The following PACRG variants were observed in gnomAD, a reference collection of about 807,000 sequenced individuals.
PACRG encodes the protein parkin coregulated.
Under a neutral mutation model 29.7 loss-of-function variants are expected in PACRG, and 29 were observed. That is an observed-to-expected ratio of 0.98 (90% CI 0.73 to 1.33). PACRG has a LOEUF of 1.33. PACRG is among the 40% of genes most tolerant of loss of function. PACRG has a pLI of 0.00. For synonymous variants in PACRG, 116 were observed against 118.7 expected, an observed-to-expected ratio of 0.98 and a Z score of 0.15; for missense variants, 279 against 316.2, an observed-to-expected ratio of 0.88 and a Z score of 0.89.
At chr6:162,764,898 C>T (rs1782661964) in intron 1 of PACRG, among the ~76,000 whole-genome samples, 1 of 151,852 alleles carries the variant, frequency 6.6e-6, no homozygotes, top group Non-Finnish European at 1.5e-5. Context: ...CACCTGCCAC[C>T]ACACCCGGCT....
intron 2 of PACRG, among the ~76,000 whole-genome samples, chr6:162,844,051 G>A (rs1790084771): frequency 7.2e-6 from 1 of 138,158 alleles, no homozygotes; most frequent in Non-Finnish European, 1.6e-5. Context: ...CTGTCTTTTT[G>A]TTTGTCTGTG....
chr6:163,283,111 A>G (rs1784274953), intron 4 of PACRG, among the ~76,000 whole-genome samples: 2 of 152,250 alleles, frequency 1.3e-5, no homozygotes, highest in South Asian at 4.1e-4. Flanking sequence ...ATTTTCATGC[A>G]AAAAATCAAA....
intron 2 of PACRG, among the ~76,000 whole-genome samples, chr6:162,955,949 G>A (rs1171095408): frequency 6.6e-6 from 1 of 152,260 alleles, no homozygotes; most frequent in East Asian, 1.9e-4. Flanking sequence ...TTGGCAGGTG[G>A]GAGCAGCCTG....
At chr6:162,911,233 G>A (rs186406273) in intron 2 of PACRG, among the ~76,000 whole-genome samples, 28 of 152,276 alleles carry the variant, frequency 1.8e-4, no homozygotes, top group African/African-American at 5.8e-4. Context: ...ATGTGATCAA[G>A]CACAATAAAT....
chr6:163,010,194 G>C (rs564928352), intron 2 of PACRG, among the ~76,000 whole-genome samples: 13 of 152,286 alleles, frequency 8.5e-5, no homozygotes, highest in African/African-American at 3.1e-4. Context: ...AATCTGTCTT[G>C]CTGTGCTAGA....
At chr6:162,794,153 T>G (rs1785177402) in intron 1 of PACRG, among the ~76,000 whole-genome samples, 1 of 152,162 alleles carries the variant, frequency 6.6e-6, no homozygotes, top group Non-Finnish European at 1.5e-5. Context: ...AATTTTTTTG[T>G]CATCTAGTAA....
At chr6:162,814,444 A>G (rs1314927745) in intron 2 of PACRG, 163 bp downstream of exon 2, 13 of 757,654 alleles carry the variant, frequency 1.7e-5, no homozygotes, top group Non-Finnish European at 2.4e-5. Flanking sequence ...TCAGCCATCC[A>G]CCTTGACTAA....
chr6:162,998,359 G>A (rs1313544761), intron 2 of PACRG, among the ~76,000 whole-genome samples: 2 of 152,210 alleles, frequency 1.3e-5, no homozygotes, highest in African/African-American at 4.8e-5. Context: ...GCCTTCAGGA[G>A]GCCCATGGTC....
intron 2 of PACRG, among the ~76,000 whole-genome samples, chr6:162,962,331 C>T (rs1562783722): frequency 6.6e-6 from 1 of 152,180 alleles, no homozygotes; most frequent in East Asian, 1.9e-4. Context: ...ATACATGTTT[C>T]TGAAGTGAAT....
intron 4 of PACRG, among the ~76,000 whole-genome samples, chr6:163,273,083 C>A (rs996336446): frequency 6.8e-6 from 1 of 147,908 alleles, no homozygotes; most frequent in African/African-American, 2.6e-5. Flanking sequence ...TTAGTAGAGA[C>A]GGGGTTTCAC....
chr6:163,141,392 T>C (rs909957296), intron 4 of PACRG, among the ~76,000 whole-genome samples: 3 of 151,308 alleles, frequency 2.0e-5, no homozygotes, highest in African/African-American at 7.3e-5. Context: ...AGTCCCAAAA[T>C]TGATAAAATG....
chr6:162,897,448 A>G (rs1877771), intron 2 of PACRG, among the ~76,000 whole-genome samples: 91,795 of 152,106 alleles, frequency 0.6, 28,635 homozygotes, highest in African/African-American at 0.76. Context: ...CTGAAGTCTC[A>G]TTGATAGGTG....
At chr6:162,982,832 A>G (rs917435535) in intron 2 of PACRG, among the ~76,000 whole-genome samples, 1 of 151,928 alleles carries the variant, frequency 6.6e-6, no homozygotes, top group East Asian at 1.9e-4. Flanking sequence ...TTGTTATAAG[A>G]TATAGTTTAA....
chr6:163,180,163 G>T (rs1289957745), intron 4 of PACRG, among the ~76,000 whole-genome samples: 1 of 152,220 alleles, frequency 6.6e-6, no homozygotes, highest in Non-Finnish European at 1.5e-5. Flanking sequence ...CAGCATCTCT[G>T]TTTAAGAGAC....
chr6:162,955,072 T>C (rs1799916963), intron 2 of PACRG, among the ~76,000 whole-genome samples: 2 of 152,086 alleles, frequency 1.3e-5, no homozygotes, highest in Admixed American at 1.3e-4. Context: ...CGTACCTGGG[T>C]TTGAAATTAA....
intron 4 of PACRG, among the ~76,000 whole-genome samples, chr6:163,249,638 G>A (rs1278239351): frequency 1.1e-4 from 16 of 152,132 alleles, no homozygotes; most frequent in Non-Finnish European, 2.9e-5. Flanking sequence ...AGTGGTCTCC[G>A]GGTGCTGTGG....
In PACRG at chr6:163,202,975, C is replaced by T. The variant is rs543213234; in HGVS notation, c.614-111852C>T. On this transcript the variant is annotated intron_variant, in intron 4 of 4. Coordinates refer to ENST00000366888, the MANE Select transcript of PACRG (RefSeq NM_001080379.2). Reference sequence around the variant, plus strand: ...CCAAAAACAAGTTTTAGAGGAGCCACAAAGTCGGAAGGGGCTGTGGGGGAA... The same window carrying T: ...CCAAAAACAAGTTTTAGAGGAGCCATAAAGTCGGAAGGGGCTGTGGGGGAA... 5.9e-5 allele frequency among the ~76,000 whole-genome samples: 9 copies of T among 152,196 alleles called. No homozygotes were observed. In the East Asian group the frequency reaches 1.7e-3, roughly 29 times the overall value.
chr6:163,228,539 C>T (rs1168408490), intron 4 of PACRG, among the ~76,000 whole-genome samples: 1 of 152,124 alleles, frequency 6.6e-6, no homozygotes, highest in Non-Finnish European at 1.5e-5. Context: ...TGCACGGGTG[C>T]ACGGCCATTA....
At chr6:163,276,147 C>A (rs1313288658) in intron 4 of PACRG, among the ~76,000 whole-genome samples, 1 of 152,020 alleles carries the variant, frequency 6.6e-6, no homozygotes, top group Non-Finnish European at 1.5e-5. Context: ...CTGCCTCAGT[C>A]TCCCACATAG....
Sources: gnomAD v4.1 joint callset for allele counts (sites outside exome capture counted in the v4.1 genomes callset) on GRCh38, gnomAD v4.1.1 for gene constraint, MANE v1.5 for transcripts, NCBI Gene and HGNC (gene_info 2026-07-23, HGNC 2026-07-21) for gene names.